Variants in CFAP263 observed in about 807,000 individuals in gnomAD.
CFAP263 encodes the protein cilia and flagella associated protein 263.
At chr16:58,258,317 TC>T in the CFAP263 span, 3 of 1,573,048 alleles carry the variant, frequency 1.9e-6, no homozygotes, top group Non-Finnish European at 2.6e-6. Flanking sequence ...AGAAGACACA[TC>T]CTTGAAGATT....
At chr16:58,265,040 C>A in the CFAP263 span, among the ~76,000 whole-genome samples, 1 of 152,164 alleles carries the variant, frequency 6.6e-6, no homozygotes, top group Non-Finnish European at 1.5e-5. Flanking sequence ...TCAAGCCCTG[C>A]CTGCTGGAGT....
the CFAP263 span, chr16:58,280,267 A>G: frequency 6.2e-7 from 1 of 1,613,944 alleles, no homozygotes. Flanking sequence ...GGAAACCAAG[A>G]TGATTTCTTC....
At chr16:58,270,562 T>C in the CFAP263 span, among the ~76,000 whole-genome samples, 15 of 152,204 alleles carry the variant, frequency 9.9e-5, no homozygotes, top group African/African-American at 3.6e-4. Context: ...CTGTGGATTT[T>C]CTTTCACTTT....
At chr16:58,269,384 AG>A in the CFAP263 span, among the ~76,000 whole-genome samples, 9 of 149,482 alleles carry the variant, frequency 6.0e-5, no homozygotes, top group South Asian at 4.3e-4. Context: ...ATAAGAAGAA[AG>A]GAAGGAAAGA....
At chr16:58,270,545 T>G in the CFAP263 span, among the ~76,000 whole-genome samples, 1 of 152,156 alleles carries the variant, frequency 6.6e-6, no homozygotes, top group African/African-American at 2.4e-5. Context: ...AAATATTTTC[T>G]CCCATTCTGT....
chr16:58,254,852 G>A, the CFAP263 span, among the ~76,000 whole-genome samples: 2 of 152,082 alleles, frequency 1.3e-5, no homozygotes, highest in Admixed American at 6.6e-5. Context: ...TGATCCGCCT[G>A]CCTCGGCCTC....
At chr16:58,277,685 T>C in the CFAP263 span, among the ~76,000 whole-genome samples, 1 of 152,076 alleles carries the variant, frequency 6.6e-6, no homozygotes, top group African/African-American at 2.4e-5. Flanking sequence ...GAAGGATGAA[T>C]GGATAAACAA....
At chr16:58,275,031 T>C in the CFAP263 span, among the ~76,000 whole-genome samples, 1 of 152,352 alleles carries the variant, frequency 6.6e-6, no homozygotes, top group East Asian at 1.9e-4. Flanking sequence ...GACGGGAGTA[T>C]GCATTGATGG....
chr16:58,265,258 T>C, the CFAP263 span, among the ~76,000 whole-genome samples: 9 of 152,244 alleles, frequency 5.9e-5, no homozygotes, highest in African/African-American at 1.7e-4. Flanking sequence ...TCGGTTATAC[T>C]GTATGGCACA....
the CFAP263 span, among the ~76,000 whole-genome samples, chr16:58,260,525 G>C: frequency 6.6e-6 from 1 of 152,176 alleles, no homozygotes; most frequent in Admixed American, 6.5e-5. Flanking sequence ...GAATTTAAAA[G>C]ACCCTCAAGA....
the CFAP263 span, chr16:58,259,734 A>G: frequency 1.7e-6 from 1 of 582,930 alleles, no homozygotes; most frequent in Non-Finnish European, 3.0e-6. Flanking sequence ...ACCTAAAATA[A>G]GTGACAGAAT....
the CFAP263 span, among the ~76,000 whole-genome samples, chr16:58,261,870 A>T: frequency 6.6e-6 from 1 of 152,320 alleles, no homozygotes. Context: ...ACACTCATGC[A>T]CTGCAGTGCA....
At chr16:58,260,349 G>A in the CFAP263 span, among the ~76,000 whole-genome samples, 6 of 152,264 alleles carry the variant, frequency 3.9e-5, no homozygotes, top group African/African-American at 1.4e-4. Flanking sequence ...CTGAGATCCT[G>A]ATTTGAGCCT....
the CFAP263 span, chr16:58,280,285 T>TA: frequency 6.2e-7 from 1 of 1,614,114 alleles, no homozygotes; most frequent in Non-Finnish European, 8.5e-7. Context: ...TTCGGGCTGA[T>TA]ACAACCTGTT....
At chr16:58,255,257 G>C in the CFAP263 span, among the ~76,000 whole-genome samples, 2 of 152,210 alleles carry the variant, frequency 1.3e-5, no homozygotes, top group Admixed American at 1.3e-4. Context: ...AGGGCAGGAG[G>C]AGCAGAAGCA....
At chr16:58,258,462 A>C in the CFAP263 span, 1 of 1,614,006 alleles carries the variant, frequency 6.2e-7, no homozygotes, top group Non-Finnish European at 8.5e-7. Context: ...TCCAAGAAGA[A>C]AGGGAGTATT....
the CFAP263 span, among the ~76,000 whole-genome samples, chr16:58,263,975 G>A: frequency 6.6e-6 from 1 of 152,110 alleles, no homozygotes; most frequent in Non-Finnish European, 1.5e-5. Context: ...ACAAGATTCT[G>A]TCTCAAGAAA....
At chr16:58,267,418 C>A in the CFAP263 span, 1 of 1,106,260 alleles carries the variant, frequency 9.0e-7, no homozygotes, top group Non-Finnish European at 1.4e-6. Flanking sequence ...GAGATGTCTC[C>A]CCTTCCTGCG....
the CFAP263 span, among the ~76,000 whole-genome samples, chr16:58,264,267 C>G: frequency 8.5e-5 from 13 of 152,264 alleles, no homozygotes; most frequent in African/African-American, 2.9e-4. Flanking sequence ...CGATCTTATC[C>G]TGTGGAATCA....
Sources: gnomAD v4.1 joint callset for allele counts (sites outside exome capture counted in the v4.1 genomes callset) on GRCh38, gnomAD v4.1.1 for gene constraint, MANE v1.5 for transcripts, NCBI Gene and HGNC (gene_info 2026-07-23, HGNC 2026-07-21) for gene names.